The following ATG5 variants were observed in gnomAD, a reference collection of about 807,000 sequenced individuals.
ATG5 encodes the protein autophagy related 5, also known as autophagy protein 5.
Under a neutral mutation model 36.5 loss-of-function variants are expected in ATG5, and 14 were observed. That is an observed-to-expected ratio of 0.38 (90% CI 0.25 to 0.60). The LOEUF (loss-of-function observed/expected upper bound fraction) is 0.60, where lower values mean the gene tolerates loss of function less well. ATG5 is among the 20% of genes least tolerant of loss of function. ATG5 has a pLI of 0.60. For missense variants in ATG5, 195 were observed against 326.7 expected (o/e 0.60, Z 3.11); for synonymous variants, 95 against 101.5 (o/e 0.94, Z 0.38).
At chr6:106,249,533 T>C (rs2114517635) in intron 5 of ATG5, among the ~76,000 whole-genome samples, 1 of 152,360 alleles carries the variant, frequency 6.6e-6, no homozygotes, top group East Asian at 1.9e-4. Context: ...TTATCTATTA[T>C]AAATAATGCT....
chr6:106,293,196 C>T (rs1462469300), intron 3 of ATG5, 90 bp from the exon 4 acceptor site: 5 of 1,004,192 alleles, frequency 5.0e-6, no homozygotes, highest in Non-Finnish European at 6.2e-6. Flanking sequence ...ATTTTAACAC[C>T]AAATGTCAGG....
At chr6:106,255,862 T>C (rs1223377095) in intron 5 of ATG5, among the ~76,000 whole-genome samples, 1 of 152,204 alleles carries the variant, frequency 6.6e-6, no homozygotes, top group Non-Finnish European at 1.5e-5. Flanking sequence ...CCAGGACTAA[T>C]TATCTAAATG....
At chr6:106,321,210 A>G (rs117520278) in intron 1 of ATG5, among the ~76,000 whole-genome samples, 2,746 of 152,316 alleles carry the variant, frequency 0.018, 32 homozygotes, top group Non-Finnish European at 0.026. Context: ...TATAATTTTC[A>G]CAGGGCTGTT....
intron 6 of ATG5, among the ~76,000 whole-genome samples, chr6:106,226,119 C>G (rs897034302): frequency 6.6e-6 from 1 of 152,162 alleles, no homozygotes; most frequent in Non-Finnish European, 1.5e-5. Flanking sequence ...AATGCCCCAA[C>G]ATTCACACAT....
At chr6:106,289,545 T>C (rs766658163) in intron 4 of ATG5, among the ~76,000 whole-genome samples, 6 of 152,204 alleles carry the variant, frequency 3.9e-5, no homozygotes, top group Non-Finnish European at 8.8e-5. Context: ...GATTCTTTTT[T>C]CTATTTGCTA....
chr6:106,225,404 T>C (rs927936021), intron 6 of ATG5, among the ~76,000 whole-genome samples: 4 of 150,986 alleles, frequency 2.6e-5, no homozygotes, highest in Non-Finnish European at 5.9e-5. Flanking sequence ...TGATCATCTA[T>C]TGCAATACTC....
rs1434641062 is a variant in ATG5, at chr6:106,248,354, A to G, written c.479-110T>C. 8 of 621,116 alleles carry G rather than the reference A, an allele frequency of 1.3e-5. No homozygotes were observed. The East Asian group carries it at 2.3e-4, about 18-fold the overall frequency. The allele number at this position is 621,116 out of a possible 1,614,324, so 38.5% of individuals were successfully genotyped here. The stretch of plus-strand genomic sequence containing the variant: ...TCCCTCTAGAAGTTTCTGAAAGGAC[A>G]TCACATATATTTTCTTATTTTTATT... On this transcript the variant is annotated intron_variant, in intron 5 of 7. Coordinates refer to ENST00000369076, the MANE Select transcript of ATG5 (RefSeq NM_004849.4).
intron 5 of ATG5, among the ~76,000 whole-genome samples, chr6:106,249,081 T>C (rs1778461654): frequency 6.6e-6 from 1 of 152,204 alleles, no homozygotes; most frequent in Non-Finnish European, 1.5e-5. Context: ...CCAATTAAGC[T>C]CTTTTTAAAA....
intron 6 of ATG5, among the ~76,000 whole-genome samples, chr6:106,205,289 T>G (rs1346715188): frequency 6.6e-6 from 1 of 152,170 alleles, no homozygotes; most frequent in African/African-American, 2.4e-5. Flanking sequence ...AGTCAGAAGG[T>G]ACCTCCCGCA....
chr6:106,282,011 A>T (rs1213212611), intron 4 of ATG5, among the ~76,000 whole-genome samples: 1 of 152,242 alleles, frequency 6.6e-6, no homozygotes, highest in African/African-American at 2.4e-5. Context: ...AAAGCAACTA[A>T]TAGAGAACAA....
chr6:106,217,866 C>CA (rs34223026), intron 6 of ATG5, among the ~76,000 whole-genome samples: 13,031 of 152,032 alleles, frequency 0.086, 591 homozygotes, highest in South Asian at 0.13. Context: ...TGATACATCC[C>CA]AACAGTATTT....
intron 3 of ATG5, among the ~76,000 whole-genome samples, chr6:106,305,976 A>G (rs1386029551): frequency 6.6e-6 from 1 of 152,216 alleles, no homozygotes; most frequent in Admixed American, 6.5e-5. Flanking sequence ...TAAAAACACT[A>G]AAGGAAAAGA....
chr6:106,205,812 G>A (rs966108088), intron 6 of ATG5, among the ~76,000 whole-genome samples: 8 of 152,058 alleles, frequency 5.3e-5, no homozygotes, highest in African/African-American at 1.7e-4. Context: ...GTAGCTAAAC[G>A]CTGTAGAATG....
chr6:106,211,608 G>A (rs529794917), intron 6 of ATG5, among the ~76,000 whole-genome samples: 4 of 152,180 alleles, frequency 2.6e-5, no homozygotes, highest in Non-Finnish European at 4.4e-5. Flanking sequence ...TACTCAGGAG[G>A]CTGAGGCAGG....
chr6:106,197,500 G>A (rs1005742559), intron 7 of ATG5, among the ~76,000 whole-genome samples: 4 of 147,880 alleles, frequency 2.7e-5, no homozygotes, highest in African/African-American at 9.9e-5. Flanking sequence ...TTGGAAATGG[G>A]GCCTAATGGG....
chr6:106,252,392 A>G (rs1778628063), intron 5 of ATG5, among the ~76,000 whole-genome samples: 1 of 151,746 alleles, frequency 6.6e-6, no homozygotes, highest in South Asian at 2.1e-4. Context: ...AAAAATCCTG[A>G]TGGTCATCCA....
chr6:106,264,014 G>C (rs1180917960), intron 5 of ATG5, among the ~76,000 whole-genome samples: 4 of 152,096 alleles, frequency 2.6e-5, no homozygotes, highest in Non-Finnish European at 5.9e-5. Context: ...GACAGAAGAA[G>C]GCTTCAGAAG....
intron 6 of ATG5, among the ~76,000 whole-genome samples, chr6:106,231,002 C>T (rs1364385801): frequency 6.6e-6 from 1 of 152,098 alleles, no homozygotes; most frequent in Non-Finnish European, 1.5e-5. Context: ...CAGCATCCCC[C>T]AGACTCCTTC....
At chr6:106,281,837 T>G (rs1779891406) in intron 4 of ATG5, among the ~76,000 whole-genome samples, 1 of 152,232 alleles carries the variant, frequency 6.6e-6, no homozygotes, top group African/African-American at 2.4e-5. Context: ...TCAAACTTGC[T>G]ACTGTCAATC....
Sources: gnomAD v4.1 joint callset for allele counts (sites outside exome capture counted in the v4.1 genomes callset) on GRCh38, gnomAD v4.1.1 for gene constraint, MANE v1.5 for transcripts, NCBI Gene and HGNC (gene_info 2026-07-23, HGNC 2026-07-21) for gene names.